Variants in VPS33A observed in about 807,000 individuals in gnomAD.
VPS33A encodes the protein vacuolar protein sorting-associated protein 33A.
In VPS33A, 32 loss-of-function variants were observed where a neutral mutation model predicts 71.8. That is an observed-to-expected ratio of 0.45 (90% CI 0.34 to 0.60). The LOEUF (loss-of-function observed/expected upper bound fraction) is 0.60. Among genes scored for constraint, VPS33A ranks in the 20% least tolerant of loss-of-function variants. VPS33A has a pLI of 0.02. For missense variants in VPS33A, 625 were observed against 748.5 expected (o/e 0.84, Z 1.92); for synonymous variants, 311 against 292.7 (o/e 1.06, Z -0.64).
intron 9 of VPS33A, among the ~76,000 whole-genome samples, chr12:122,238,994 C>CAT (rs1181417296): frequency 6.5e-5 from 8 of 123,796 alleles, no homozygotes; most frequent in Non-Finnish European, 1.1e-4. Flanking sequence ...CACATACATA[C>CAT]ATACACACAC....
At position 122,261,403 on chromosome 12, in the gene VPS33A, A is replaced by C; in HGVS notation, c.341T>G (p.Val114Gly). The C allele has an allele frequency of 3.1e-6, 5 of 1,613,852 alleles. No individual in the cohort carries two copies. The highest frequency in any genetic ancestry group is 3.4e-6 in the Non-Finnish European group (4 of 1,179,952). The change falls in exon 4 of 13, where the codon GTG becomes GGG. Residue 114 changes from valine (V) to glycine (G), a missense_variant. Transcript: ENST00000267199. ...GPTRDFHILFVPRRSLLCEQR... is the reference protein window; with the variant it reads ...GPTRDFHILFGPRRSLLCEQR... ...TTCGCACAACAGGCTACGGCGTGGC[A>C]CAAACAGAATATGAAAATCTCTCGT...
chr12:122,245,236 G>A (rs887448142), intron 6 of VPS33A, among the ~76,000 whole-genome samples: 10 of 152,146 alleles, frequency 6.6e-5, no homozygotes, highest in African/African-American at 2.4e-4. Flanking sequence ...CACGCTGTTA[G>A]AGAAGCTAGT....
At chr12:122,235,740 TCTAACCAGTCC>T (rs1954621385) in intron 11 of VPS33A, 35 bp downstream of exon 11, 1 of 1,565,246 alleles carries the variant, frequency 6.4e-7, no homozygotes, top group Admixed American at 1.9e-5. Context: ...ACCTGGACGA[TCTAACCAGTCC>T]CTAAGCTGAG....
chr12:122,264,855 A>AT (rs1955046124), intron 1 of VPS33A: 1 of 152,160 alleles, frequency 6.6e-6, no homozygotes, highest in African/African-American at 2.4e-5. Context: ...TCATGGTATC[A>AT]TTAAATTGAG....
At chr12:122,244,863 G>A in intron 6 of VPS33A, 101 bp from the exon 7 acceptor site, 1 of 1,219,420 alleles carries the variant, frequency 8.2e-7, no homozygotes, top group Non-Finnish European at 1.1e-6. Context: ...GGAGAAAATG[G>A]AAGACGGCAA....
At chr12:122,239,781 G>GAAAAAAAAAAAAAAAAAAA (rs1954688931) in intron 9 of VPS33A, 97 bp downstream of exon 9, 1 of 379,932 alleles carries the variant, frequency 2.6e-6, no homozygotes. Context: ...AAAAAAAAAG[G>GAAAAAAAAAAAAAAAAAAA]CAAGGCATGG....
At chr12:122,241,704 T>A (rs572814868) in intron 8 of VPS33A, among the ~76,000 whole-genome samples, 3 of 151,876 alleles carry the variant, frequency 2.0e-5, no homozygotes, top group Admixed American at 2.0e-4. Flanking sequence ...GTGATTCTCA[T>A]GCCTCAACCT....
In VPS33A at chr12:122,229,882, A is replaced by G. The variant is rs1454189587; in HGVS notation, c.*2364T>C. On this transcript the variant is annotated 3_prime_UTR_variant, in exon 13 of 13. Coordinates refer to ENST00000267199, the MANE Select transcript of VPS33A (RefSeq NM_022916.6). ...CTATGCTCTGAGCAAGCAAGTATAT[A>G]GAGTCTTGGGTGAGTGCAGACACAT... The G allele has an allele frequency of 5.9e-5, 9 of 152,244 alleles. No homozygotes were observed. Among genetic ancestry groups the G allele is most frequent in the African/African-American group, 1.7e-4 (7 of 41,448 alleles). 9.4% of individuals were successfully genotyped at this position (152,244 alleles called of 1,614,324 possible).
rs190101765 is a variant in VPS33A at position 122,250,106 on chromosome 12, G to A, written c.601-61C>T. Reference sequence around the variant, plus strand: ...TGGGAACAAGCAGATTTTAAAATTTGTCTAAAACCAGAAAGACAATCAAAA... The same window carrying A: ...TGGGAACAAGCAGATTTTAAAATTTATCTAAAACCAGAAAGACAATCAAAA... On this transcript the variant is annotated intron_variant, in intron 5 of 12. Transcript: ENST00000267199. The A allele has an allele frequency of 6.8e-6, 10 of 1,481,172 alleles. No homozygotes were observed. In the East Asian group the frequency reaches 2.4e-4, roughly 35 times the overall value. 91.8% of individuals were successfully genotyped at this position (1,481,172 alleles called of 1,614,324 possible).
In VPS33A at chr12:122,251,031, A is replaced by G. The variant is rs781542449; in HGVS notation, c.552T>C (p.Ala184=). The change falls in exon 5 of 13, where the codon GCT becomes GCC. Residue 184 remains alanine (A), a synonymous_variant. Coordinates refer to ENST00000267199, the MANE Select transcript of VPS33A (RefSeq NM_022916.6). ...AGATCTGGGGGATCGTTCCATACAG[A>G]GCTTGCAGGGTCATCAGCCCCTTGG... is the stretch of plus-strand genomic sequence containing the variant. The part of the protein sequence containing the change: ...HAAKGLMTLQ[A]LYGTIPQIFG... 1 of 1,614,100 alleles carries G rather than the reference A, an allele frequency of 6.2e-7. No homozygotes were observed. The highest frequency in any genetic ancestry group is 2.2e-5 in the East Asian group (1 of 44,876).
chr12:122,263,998 C>G, intron 2 of VPS33A, 136 bp downstream of exon 2: 1 of 739,620 alleles, frequency 1.4e-6, no homozygotes, highest in Non-Finnish European at 2.1e-6. Context: ...AAATGTTAAT[C>G]GGGCACTAGT....
At chr12:122,259,187 GTGTA>G (rs71082954) in intron 4 of VPS33A, among the ~76,000 whole-genome samples, 19,487 of 144,604 alleles carry the variant, frequency 0.13, 2,045 homozygotes, top group East Asian at 0.58. Context: ...GTATGTATGT[GTGTA>G]TGTATGTATG....
chr12:122,249,996 T>C lies in VPS33A; in HGVS notation c.650A>G (p.Gln217Arg). The C allele has an allele frequency of 6.2e-7, 1 of 1,614,102 alleles. No individual in the cohort carries two copies. Among genetic ancestry groups the C allele is most frequent in the Non-Finnish European group, 8.5e-7 (1 of 1,179,996 alleles). The change falls in exon 6 of 13, where the codon CAG (glutamine) becomes CGG (arginine). Residue 217 changes from glutamine to arginine, a missense_variant. Transcript: ENST00000267199. ...ATCAAAAACAGGAAATATTGAATTC[T>C]GGCTTCCTGTAAACTCTCTCTTCAT... The part of the protein sequence containing the change: ...IRMKREFTGS[Q>R]NSIFPVFDNL...
At chr12:122,250,442 T>C (rs1954827814) in intron 5 of VPS33A, among the ~76,000 whole-genome samples, 1 of 152,220 alleles carries the variant, frequency 6.6e-6, no homozygotes, top group Admixed American at 6.5e-5. Context: ...TATGTGTTTC[T>C]GCTTAAAGAT....
At chr12:122,250,719 A>G (rs1421318231) in intron 5 of VPS33A, among the ~76,000 whole-genome samples, 1 of 152,164 alleles carries the variant, frequency 6.6e-6, no homozygotes, top group Non-Finnish European at 1.5e-5. Flanking sequence ...GAGAGCTGAA[A>G]TGGGAAGGTG....
intron 9 of VPS33A, among the ~76,000 whole-genome samples, chr12:122,238,996 T>TACACACAC (rs68026867): frequency 7.3e-6 from 1 of 137,090 alleles, no homozygotes; most frequent in Non-Finnish European, 1.6e-5. Context: ...CATACATACA[T>TACACACAC]ACACACACAC....
chr12:122,232,091 G>A lies in VPS33A; in HGVS notation c.*155C>T, dbSNP rs1954569890. 2 of 678,276 alleles carry A rather than the reference G, an allele frequency of 2.9e-6. No homozygotes were observed. Among genetic ancestry groups the A allele is most frequent in the Non-Finnish European group, 4.6e-6 (2 of 430,828 alleles). 42.0% of individuals were successfully genotyped at this position (678,276 alleles called of 1,614,324 possible). On this transcript the variant is annotated 3_prime_UTR_variant, in exon 13 of 13. Coordinates refer to ENST00000267199, the MANE Select transcript of VPS33A (RefSeq NM_022916.6). ...AAAAAAAGGGAATACAAAAGAGACG[G>A]AGAAAGCAGTAAACAGTAGTATAAT...
intron 1 of VPS33A, among the ~76,000 whole-genome samples, chr12:122,264,413 C>T (rs545265997): frequency 2.0e-5 from 3 of 152,184 alleles, no homozygotes; most frequent in South Asian, 2.1e-4. Flanking sequence ...GTTTCTGAGA[C>T]GGAGTCTTGC....
intron 4 of VPS33A, among the ~76,000 whole-genome samples, chr12:122,257,719 G>C (rs879019361): frequency 6.6e-6 from 1 of 151,980 alleles, no homozygotes; most frequent in African/African-American, 2.4e-5. Context: ...GAAGATTTAT[G>C]AAGACTCAAA....
Sources: gnomAD v4.1 joint callset for allele counts (sites outside exome capture counted in the v4.1 genomes callset) on GRCh38, gnomAD v4.1.1 for gene constraint, MANE v1.5 for transcripts, NCBI Gene and HGNC (gene_info 2026-07-23, HGNC 2026-07-21) for gene names.